Variants in PCDH11X observed in about 807,000 individuals in gnomAD.
PCDH11X encodes protocadherin-11 X-linked.
Under a neutral mutation model 53.3 loss-of-function variants are expected in PCDH11X, and 18 were observed. The observed-to-expected ratio is 0.34, with a 90% CI of 0.23 to 0.50. PCDH11X has a LOEUF of 0.50. PCDH11X is among the 20% of genes least tolerant of loss of function. PCDH11X has a pLI of 0.98. For synonymous variants in PCDH11X, 279 were observed against 393.3 expected, an observed-to-expected ratio of 0.71 and a Z score of 3.44; for missense variants, 570 against 1,032.4, an observed-to-expected ratio of 0.55 and a Z score of 6.14.
rs5984126 is a variant in PCDH11X at position 91,825,665 on chromosome X, C to T, written c.-44-9796C>T. 6.5e-5 allele frequency among the ~76,000 whole-genome samples: 7 copies of T among 108,380 alleles called. No homozygotes were observed. The East Asian group carries it at 8.6e-4, about 13-fold the overall frequency. The allele number at this position is 108,380 out of a possible 115,157, so 94.1% of individuals were successfully genotyped here. A position where few individuals can be genotyped will look rare whatever the true frequency, so the allele number is the denominator to read the frequency against. On this transcript the variant is annotated intron_variant, in intron 4 of 10. Coordinates refer to ENST00000682573, the MANE Select transcript of PCDH11X (RefSeq NM_032968.5). The stretch of plus-strand genomic sequence containing the variant: ...GTCGCTCAGGCTGGGAGCTGTAGAC[C>T]GGAGCTGTTCCTATTCGGCCATCTT...
chrX:92,591,767 C>A lies in PCDH11X; in HGVS notation c.3368-26497C>A, dbSNP rs894212591. 2.7e-5 allele frequency among the ~76,000 whole-genome samples: 3 copies of A among 111,001 alleles called. No homozygotes were observed. In the Admixed American group the frequency reaches 2.9e-4, roughly 11 times the overall value. ...AGCATGTTCTTCATCCTGAATATGCCAAGCCCCTGGGTGAGCTTTGTCTTA... is the reference window on the plus strand; with the variant it reads ...AGCATGTTCTTCATCCTGAATATGCAAAGCCCCTGGGTGAGCTTTGTCTTA... On this transcript the variant is annotated intron_variant, in intron 10 of 10. Coordinates refer to ENST00000682573, the MANE Select transcript of PCDH11X (RefSeq NM_032968.5).
chrX:91,869,292 A>C (rs1602394275), intron 5 of PCDH11X, among the ~76,000 whole-genome samples: 1 of 110,708 alleles, frequency 9.0e-6, no homozygotes, highest in Admixed American at 9.6e-5. Flanking sequence ...TCATACTGAG[A>C]GCTCTCCAGA....
chrX:92,205,486 T>A (rs1412472384), intron 7 of PCDH11X, among the ~76,000 whole-genome samples: 1 of 111,157 alleles, frequency 9.0e-6, no homozygotes, highest in African/African-American at 3.3e-5. Context: ...GATTATAAAA[T>A]TTAACCTACC....
At chrX:92,346,376 A>G (rs1444188716) in intron 8 of PCDH11X, among the ~76,000 whole-genome samples, 1 of 111,227 alleles carries the variant, frequency 9.0e-6, no homozygotes, top group Non-Finnish European at 1.9e-5. Context: ...CTCAAGATGT[A>G]TAATCCCTTA....
At chrX:91,796,570 C>T (rs1313222014) in intron 1 of PCDH11X, among the ~76,000 whole-genome samples, 2 of 111,069 alleles carry the variant, frequency 1.8e-5, no homozygotes, top group African/African-American at 6.5e-5. Context: ...ATATCATTTT[C>T]TTATCTCTTC....
intron 7 of PCDH11X, among the ~76,000 whole-genome samples, chrX:92,219,058 G>A (rs1403081065): frequency 1.8e-5 from 2 of 110,983 alleles, no homozygotes; most frequent in Non-Finnish European, 3.8e-5. Context: ...AAAATAATTA[G>A]AGCTATCTAT....
intron 10 of PCDH11X, among the ~76,000 whole-genome samples, chrX:92,606,156 A>G (rs1375564477): frequency 1.1e-5 from 1 of 92,517 alleles, no homozygotes; most frequent in Admixed American, 1.3e-4. Context: ...GATTGAACCC[A>G]GGAGGCAGAG....
chrX:92,054,705 A>G (rs2063417458), intron 6 of PCDH11X, among the ~76,000 whole-genome samples: 1 of 108,571 alleles, frequency 9.2e-6, no homozygotes, highest in Non-Finnish European at 1.9e-5. Flanking sequence ...CTGTAATCCC[A>G]GCTACTCGGG....
chrX:92,530,466 G>T (rs1178930920), intron 10 of PCDH11X, among the ~76,000 whole-genome samples: 1 of 111,735 alleles, frequency 8.9e-6, no homozygotes, highest in African/African-American at 3.2e-5. Flanking sequence ...CCCAGAGATG[G>T]GTGTTTGCAA....
chrX:92,258,367 CTTT>C (rs199563708), intron 7 of PCDH11X, among the ~76,000 whole-genome samples: 10 of 89,717 alleles, frequency 1.1e-4, no homozygotes, highest in East Asian at 7.2e-4. Context: ...ATGCAAATTT[CTTT>C]TTTTTTTTTT....
At position 92,504,978 on chromosome X, in the gene PCDH11X, G is replaced by A. The variant is rs2074024285; in HGVS notation, c.3367+36656G>A. Among the ~76,000 whole-genome samples, 4 of 109,271 alleles carry A rather than the reference G, an allele frequency of 3.7e-5. No individual in the cohort carries two copies. In the Middle Eastern group the frequency reaches 0.014, roughly 390 times the overall value. 94.9% of individuals were successfully genotyped at this position (109,271 alleles called of 115,157 possible). On this transcript the variant is annotated intron_variant, in intron 10 of 10. Transcript: ENST00000682573. The stretch of plus-strand genomic sequence containing the variant: ...CTTTGGCCACTTTTGAATGGGGAAT[G>A]CTTTCAGCTTTTGCTCAATTAGTAT...
intron 6 of PCDH11X, among the ~76,000 whole-genome samples, chrX:91,968,264 AT>A (rs1250582020): frequency 6.3e-5 from 7 of 111,175 alleles, no homozygotes; most frequent in Admixed American, 1.9e-4. Flanking sequence ...CTGTTTTAAT[AT>A]TTTTTTCAAT....
At chrX:91,895,638 C>T (rs1253359736) in intron 6 of PCDH11X, among the ~76,000 whole-genome samples, 1 of 109,194 alleles carries the variant, frequency 9.2e-6, no homozygotes, top group African/African-American at 3.3e-5. Context: ...TTTATATATT[C>T]TACATGAGGT....
At chrX:92,261,139 A>G (rs759816240) in intron 7 of PCDH11X, among the ~76,000 whole-genome samples, 9 of 110,441 alleles carry the variant, frequency 8.1e-5, no homozygotes, top group African/African-American at 3.0e-4. Context: ...CTGCTTGCCA[A>G]TATATTTCTG....
At chrX:91,825,541 CG>C (rs1936889924) in intron 4 of PCDH11X, among the ~76,000 whole-genome samples, 1 of 111,738 alleles carries the variant, frequency 8.9e-6, no homozygotes, top group Non-Finnish European at 1.9e-5. Context: ...AGCTCGCGCA[CG>C]GTGCGCGCAC....
chrX:92,409,734 C>T (rs1345909866), intron 9 of PCDH11X, among the ~76,000 whole-genome samples: 1 of 112,089 alleles, frequency 8.9e-6, no homozygotes, highest in African/African-American at 3.2e-5. Flanking sequence ...AATGGCTAAA[C>T]TCAAGTGAAG....
chrX:92,350,323 G>T (rs982760591), intron 8 of PCDH11X, among the ~76,000 whole-genome samples: 7 of 109,959 alleles, frequency 6.4e-5, no homozygotes, highest in African/African-American at 2.3e-4. Flanking sequence ...CATATGACTA[G>T]AATTGCTTTT....
chrX:91,904,397 T>C (rs928952241), intron 6 of PCDH11X, among the ~76,000 whole-genome samples: 3 of 109,896 alleles, frequency 2.7e-5, no homozygotes, highest in Admixed American at 9.8e-5. Context: ...CCAACTATGA[T>C]TGACTGATTA....
chrX:92,140,672 G>A (rs763072346), intron 6 of PCDH11X, among the ~76,000 whole-genome samples: 213 of 111,018 alleles, frequency 1.9e-3, no homozygotes, highest in African/African-American at 6.8e-3. Context: ...AGAATAAATG[G>A]CCTTTTTTCA....
Sources: allele counts gnomAD v4.1 joint callset (sites outside exome capture counted in the v4.1 genomes callset), GRCh38; gene constraint gnomAD v4.1.1; transcripts MANE v1.5; gene names NCBI Gene and HGNC (gene_info 2026-07-23, HGNC 2026-07-21).